Variants in LUC7L3 observed in about 807,000 individuals in gnomAD.
The protein encoded by LUC7L3 is LUC7 like 3 pre-mRNA splicing factor.
In LUC7L3, 6 loss-of-function variants were observed where a neutral mutation model predicts 66.8. That is an observed-to-expected ratio of 0.09 (90% confidence interval 0.05 to 0.18). LUC7L3 has a LOEUF of 0.18. Ranked by LOEUF, LUC7L3 falls within the 10% of genes least tolerant of loss-of-function variation. The pLI is 1.00. For synonymous variants in LUC7L3, 160 were observed against 174.7 expected (o/e 0.92, Z 0.66); for missense variants, 341 against 531.1 (o/e 0.64, Z 3.52).
intron 1 of LUC7L3, chr17:50,736,608 A>G: frequency 4.8e-6 from 1 of 208,316 alleles, no homozygotes; most frequent in Non-Finnish European, 9.7e-6. Context: ...GCCCTAATCT[A>G]TGAAAGAGAT....
intron 1 of LUC7L3, among the ~76,000 whole-genome samples, chr17:50,736,149 A>G (rs181235145): frequency 1.5e-4 from 23 of 152,320 alleles, no homozygotes; most frequent in Admixed American, 1.4e-3. Flanking sequence ...AAAAATATAT[A>G]GTAATAATCC....
At chr17:50,748,241 T>C (rs1251767576) in intron 9 of LUC7L3, 1 of 152,180 alleles carries the variant, frequency 6.6e-6, no homozygotes, top group East Asian at 1.9e-4. Flanking sequence ...TTGTGTAATT[T>C]CTGGATAGAG....
intron 6 of LUC7L3, among the ~76,000 whole-genome samples, chr17:50,744,173 A>G (rs1406259168): frequency 2.0e-5 from 3 of 152,230 alleles, no homozygotes; most frequent in East Asian, 3.8e-4. Flanking sequence ...ACACCCTTAA[A>G]TATCTAATTC....
At chr17:50,742,835 TCAG>T (rs1246164702) in intron 5 of LUC7L3, among the ~76,000 whole-genome samples, 5 of 152,124 alleles carry the variant, frequency 3.3e-5, no homozygotes, top group Non-Finnish European at 5.9e-5. Flanking sequence ...AAAATACCCA[TCAG>T]CAGGTGAGTG....
chr17:50,750,790 A>G lies in LUC7L3; in HGVS notation c.*129A>G. 1.9e-6 allele frequency: 3 copies of G among 1,571,574 alleles called. No individual in the cohort carries two copies. The highest frequency in any genetic ancestry group is 2.6e-6 in the Non-Finnish European group (3 of 1,160,622). On this transcript the variant is annotated 3_prime_UTR_variant, in exon 10 of 10. Transcript: ENST00000505658. ...AGATGAAGATGGAACTAAGCCGAGTAAGAAGACATACAAAAGCCTCTTCTG... is the reference window on the plus strand; with the variant it reads ...AGATGAAGATGGAACTAAGCCGAGTGAGAAGACATACAAAAGCCTCTTCTG...
At chr17:50,734,394 C>T (rs1036235848) in intron 1 of LUC7L3, among the ~76,000 whole-genome samples, 2 of 152,072 alleles carry the variant, frequency 1.3e-5, no homozygotes, top group Non-Finnish European at 2.9e-5. Context: ...CTCAAACTCC[C>T]GACCTCAGGT....
intron 1 of LUC7L3, among the ~76,000 whole-genome samples, chr17:50,726,211 G>C (rs569575808): frequency 1.3e-5 from 2 of 151,916 alleles, no homozygotes; most frequent in Non-Finnish European, 1.5e-5. Flanking sequence ...TTGCTCTGTC[G>C]CCCAGGCTGG....
rs1567880693 is a variant in LUC7L3 at position 50,750,633 on chromosome 17, A to G, written c.1271A>G (p.Lys424Arg). The G allele has an allele frequency of 5.6e-6, 9 of 1,613,998 alleles. No individual in the cohort carries two copies. Among genetic ancestry groups the G allele is most frequent in the Non-Finnish European group, 6.8e-6 (8 of 1,180,008 alleles). The change falls in exon 10 of 10, where the codon AAA (lysine) becomes AGA (arginine). Residue 424 changes from lysine to arginine, a missense_variant. By Grantham distance (26) the Lys-to-Arg change is conservative (BLOSUM62 2). Around this residue, in one of 6 missense-constraint regions of LUC7L3, gnomAD observed 210 missense variants for 238.1 expected, o/e 0.88. Transcript: ENST00000505658. The stretch of plus-strand genomic sequence containing the variant: ...GTCAATGGGACCAGTGAAGACATTA[A>G]ATCTGAAGGTGACACTCAGTCCAAT... ...NEVNGTSEDI[K>R]SEGDTQSN
chr17:50,721,699 C>G (rs1968778982), intron 1 of LUC7L3, among the ~76,000 whole-genome samples: 1 of 152,162 alleles, frequency 6.6e-6, no homozygotes, highest in South Asian at 2.1e-4. Flanking sequence ...CTGTTGATAT[C>G]GTTTCCGGGT....
chr17:50,751,458 C>A lies in LUC7L3; in HGVS notation c.*797C>A, dbSNP rs1343893719. The A allele has an allele frequency of 2.4e-6, 3 of 1,250,388 alleles. No individual in the cohort carries two copies. The highest frequency in any genetic ancestry group is 3.1e-5 in the African/African-American group (2 of 64,570). 77.5% of individuals were successfully genotyped at this position (1,250,388 alleles called of 1,614,324 possible). ...TTAACTGTTGTGTATCTTTTTTGTT[C>A]TTTACAAGAAGTGCAGAGGGGTTTT... On this transcript the variant is annotated 3_prime_UTR_variant, in exon 10 of 10. Transcript: ENST00000505658.
At chr17:50,722,008 A>G (rs765110193) in intron 1 of LUC7L3, 10 of 151,866 alleles carry the variant, frequency 6.6e-5, no homozygotes, top group Non-Finnish European at 1.3e-4. Context: ...TAACAGTCAA[A>G]ATGCTAACTT....
chr17:50,745,308 G>A (rs547478072), intron 7 of LUC7L3, among the ~76,000 whole-genome samples: 254 of 152,122 alleles, frequency 1.7e-3, no homozygotes, highest in African/African-American at 5.9e-3. Flanking sequence ...ATACATTTTA[G>A]CTATTAAAAA....
intron 8 of LUC7L3, 41 bp downstream of exon 8, chr17:50,746,044 G>A: frequency 6.5e-7 from 1 of 1,541,552 alleles, no homozygotes; most frequent in East Asian, 2.3e-5. Context: ...CTCATAATGG[G>A]TGTGCAATAA....
At position 50,755,039 on chromosome 17, in the gene LUC7L3, G is replaced by A. The variant is rs1309004720; in HGVS notation, c.*4378G>A. On this transcript the variant is annotated 3_prime_UTR_variant, in exon 10 of 10. Transcript: ENST00000505658. The stretch of plus-strand genomic sequence containing the variant: ...GTGCATGAAACAAAAAACACTTGAA[G>A]TTATTATGTATACAATTCTGTGGGA... 6.6e-6 allele frequency: 1 copy of A among 152,174 alleles called. No homozygotes were observed. Among genetic ancestry groups the A allele is most frequent in the Non-Finnish European group, 1.5e-5 (1 of 68,026 alleles). The allele number at this position is 152,174 out of a possible 1,614,324, so 9.4% of individuals were successfully genotyped here. A position where few individuals can be genotyped will look rare whatever the true frequency, so the allele number is the denominator to read the frequency against.
rs1043159646 is a variant in LUC7L3, at chr17:50,755,530, T to C, written c.*4869T>C. Reference sequence around the variant, plus strand: ...TATTTTTCATTGTTGTATCAGAATTTTGAATTTACTATTTTAAAAATTCAA... The same window carrying C: ...TATTTTTCATTGTTGTATCAGAATTCTGAATTTACTATTTTAAAAATTCAA... On this transcript the variant is annotated 3_prime_UTR_variant, in exon 10 of 10. Coordinates refer to ENST00000505658, the MANE Select transcript of LUC7L3 (RefSeq NM_016424.5). 1.3e-5 allele frequency: 2 copies of C among 152,246 alleles called. No homozygotes were observed. The highest frequency in any genetic ancestry group is 4.8e-5 in the African/African-American group (2 of 41,466). 9.4% of individuals were successfully genotyped at this position (152,246 alleles called of 1,614,324 possible).
chr17:50,736,708 G>A, intron 1 of LUC7L3: 1 of 371,294 alleles, frequency 2.7e-6, no homozygotes. Flanking sequence ...TTTGCTACTG[G>A]GGGGTCAGCA....
rs879388929 is a variant in LUC7L3 at position 50,751,825 on chromosome 17, T to C, written c.*1164T>C. The stretch of plus-strand genomic sequence containing the variant: ...AACTGATGCACTATATAGAACGAAT[T>C]TGGGTTTTTAAAGAAATATTAAAAG... On this transcript the variant is annotated 3_prime_UTR_variant, in exon 10 of 10. Coordinates refer to ENST00000505658, the MANE Select transcript of LUC7L3 (RefSeq NM_016424.5). The C allele has an allele frequency of 4.1e-5, 41 of 1,009,922 alleles. No homozygotes were observed. The highest frequency in any genetic ancestry group is 4.7e-5 in the Non-Finnish European group (40 of 844,778). The allele number at this position is 1,009,922 out of a possible 1,614,324, so 62.6% of individuals were successfully genotyped here. A position where few individuals can be genotyped will look rare whatever the true frequency, so the allele number is the denominator to read the frequency against.
intron 1 of LUC7L3, among the ~76,000 whole-genome samples, chr17:50,729,115 A>G (rs567188639): frequency 3.7e-4 from 57 of 152,244 alleles, no homozygotes; most frequent in Non-Finnish European, 4.6e-4. Context: ...ACATAACTAA[A>G]AAGACCCAAA....
chr17:50,719,976 G>A (rs1342200802), intron 1 of LUC7L3, 145 bp downstream of exon 1: 3 of 680,670 alleles, frequency 4.4e-6, no homozygotes, highest in African/African-American at 3.8e-5. Flanking sequence ...GAGCCAGGAG[G>A]GAGGATGCTG....
Sources: allele counts gnomAD v4.1 joint callset (sites outside exome capture counted in the v4.1 genomes callset), GRCh38; gene constraint gnomAD v4.1.1; regional missense constraint gnomAD v4.1.1; transcripts MANE v1.5; gene names NCBI Gene and HGNC (gene_info 2026-07-23, HGNC 2026-07-21).